INPP5A: variants seen among roughly 807,000 people sequenced by gnomAD.
INPP5A encodes 43 kDa inositol polyphosphate 5-phophatase.
In INPP5A, 14 loss-of-function variants were observed where a neutral mutation model predicts 65.2. The observed-to-expected ratio is 0.21, with a 90% CI of 0.14 to 0.34. The LOEUF (loss-of-function observed/expected upper bound fraction) is 0.34, where lower values mean the gene tolerates loss of function less well. Ranked by LOEUF, INPP5A falls within the 10% of genes least tolerant of loss-of-function variation. INPP5A has a pLI of 1.00. For missense variants in INPP5A, 431 were observed against 545.6 expected (o/e 0.79, Z 2.09); for synonymous variants, 207 against 208.3 (o/e 0.99, Z 0.05).
intron 5 of INPP5A, among the ~76,000 whole-genome samples, chr10:132,696,496 G>A (rs1301635012): frequency 6.6e-6 from 1 of 152,162 alleles, no homozygotes; most frequent in African/African-American, 2.4e-5. Context: ...GTGATAAAAA[G>A]AAATGAGCTT....
chr10:132,690,039 C>T (rs1845231515), intron 4 of INPP5A, among the ~76,000 whole-genome samples: 1 of 152,150 alleles, frequency 6.6e-6, no homozygotes, highest in Non-Finnish European at 1.5e-5. Flanking sequence ...TGGGAAGGGT[C>T]TGGTCCACTC....
chr10:132,769,861 G>A (rs1280817019), intron 12 of INPP5A, among the ~76,000 whole-genome samples: 4 of 151,916 alleles, frequency 2.6e-5, no homozygotes, highest in East Asian at 3.9e-4. Flanking sequence ...AGGTGGCGGC[G>A]ATTTGGACAC....
At chr10:132,638,171 C>G (rs1476974210) in intron 2 of INPP5A, among the ~76,000 whole-genome samples, 2 of 152,158 alleles carry the variant, frequency 1.3e-5, no homozygotes, top group Non-Finnish European at 2.9e-5. Context: ...AGGGCTGCTA[C>G]TTCTCTCTCT....
intron 6 of INPP5A, among the ~76,000 whole-genome samples, chr10:132,700,300 G>C (rs532417103): frequency 2.8e-4 from 42 of 152,354 alleles, no homozygotes; most frequent in Non-Finnish European, 5.0e-4. Context: ...CAGCTGCTCA[G>C]CAGATCCTTG....
intron 3 of INPP5A, among the ~76,000 whole-genome samples, chr10:132,647,880 T>C (rs2072519561): frequency 6.6e-6 from 1 of 152,222 alleles, no homozygotes; most frequent in Non-Finnish European, 1.5e-5. Flanking sequence ...AATTTCAGTC[T>C]AAAATATAGG....
At chr10:132,671,179 C>T (rs2072885181) in intron 4 of INPP5A, among the ~76,000 whole-genome samples, 1 of 152,162 alleles carries the variant, frequency 6.6e-6, no homozygotes, top group African/African-American at 2.4e-5. Flanking sequence ...GTCCCTGTCT[C>T]TCCCTTCTGA....
At position 132,616,221 on chromosome 10, in the gene INPP5A, G is replaced by A. The variant is rs369919500; in HGVS notation, c.117+8265G>A. ...CGGGCCCTGAAAGAACCACAGGGTG[G>A]CGTGGGAGGCAGCTGCAGTGGGAGG... On this transcript the variant is annotated intron_variant, in intron 2 of 15. Transcript: ENST00000368594. The surrounding 1 kb of genome is among the most constrained non-coding windows in gnomAD (Gnocchi z 4.9). Among the ~76,000 whole-genome samples, 10 of 152,346 alleles carry A rather than the reference G, an allele frequency of 6.6e-5. No individual in the cohort carries two copies. In the South Asian group the frequency reaches 1.2e-3, roughly 19 times the overall value.
chr10:132,752,965 GC>G (rs1846523555), intron 11 of INPP5A, among the ~76,000 whole-genome samples: 1 of 152,166 alleles, frequency 6.6e-6, no homozygotes, highest in Non-Finnish European at 1.5e-5. Flanking sequence ...GATTGCGGAG[GC>G]CTGGTGCACT....
intron 1 of INPP5A, among the ~76,000 whole-genome samples, chr10:132,569,591 C>T (rs2071313406): frequency 6.6e-6 from 1 of 152,198 alleles, no homozygotes; most frequent in South Asian, 2.1e-4. Context: ...CTCCTGAGTG[C>T]AAGCGATTCT....
intron 9 of INPP5A, among the ~76,000 whole-genome samples, chr10:132,747,606 G>A (rs992883152): frequency 6.6e-6 from 1 of 152,260 alleles, no homozygotes; most frequent in African/African-American, 2.4e-5. Context: ...CCCTGTCTCC[G>A]AGCCCCGGCC....
chr10:132,608,566 C>T (rs542599827), intron 2 of INPP5A, among the ~76,000 whole-genome samples: 17 of 152,286 alleles, frequency 1.1e-4, no homozygotes, highest in Admixed American at 2.0e-4. Flanking sequence ...GGCCTGTGGC[C>T]GAGCATGTGT....
At chr10:132,598,310 C>T (rs1183967833) in intron 1 of INPP5A, among the ~76,000 whole-genome samples, 9 of 152,196 alleles carry the variant, frequency 5.9e-5, no homozygotes, top group Admixed American at 5.2e-4. Flanking sequence ...GAAATGCATT[C>T]ATAATGTTGC....
chr10:132,699,059 C>T (rs901394310), intron 6 of INPP5A, among the ~76,000 whole-genome samples: 2 of 152,244 alleles, frequency 1.3e-5, no homozygotes, highest in South Asian at 2.1e-4. Flanking sequence ...TGCCTCCCTC[C>T]GCTCCGGATG....
rs146916096 is a variant in INPP5A at position 132,595,073 on chromosome 10, G to A, written c.76-12842G>A. On this transcript the variant is annotated intron_variant, in intron 1 of 15. Transcript: ENST00000368594. ...CAAATACCCACTCCAACCTTTGGGC[G>A]TTTTTTTCTGTCTTTTTCCCTTTTC... 7.2e-5 allele frequency among the ~76,000 whole-genome samples: 11 copies of A among 152,322 alleles called. No homozygotes were observed. The East Asian group carries it at 1.3e-3, about 19-fold the overall frequency.
intron 1 of INPP5A, among the ~76,000 whole-genome samples, chr10:132,602,090 A>G (rs1435863124): frequency 2.0e-5 from 3 of 152,214 alleles, no homozygotes; most frequent in Non-Finnish European, 2.9e-5. Flanking sequence ...CGTTAACTCC[A>G]GTTTGTGAAC....
intron 4 of INPP5A, among the ~76,000 whole-genome samples, chr10:132,669,207 C>T (rs953732655): frequency 8.5e-5 from 13 of 152,110 alleles, no homozygotes; most frequent in African/African-American, 2.4e-4. Context: ...GAGCAGACAT[C>T]GTGCCACCGC....
At chr10:132,595,668 T>G (rs1396419536) in intron 1 of INPP5A, among the ~76,000 whole-genome samples, 1 of 152,232 alleles carries the variant, frequency 6.6e-6, no homozygotes. Flanking sequence ...TTTTATCCAA[T>G]AAATTTGTTT....
At chr10:132,726,734 A>T (rs1033255271) in intron 8 of INPP5A, 87 bp from the exon 9 acceptor site, 9 of 893,238 alleles carry the variant, frequency 1.0e-5, no homozygotes, top group African/African-American at 1.7e-5. Flanking sequence ...GAGTGTGCGG[A>T]TGGGGAGCGT....
intron 1 of INPP5A, among the ~76,000 whole-genome samples, chr10:132,557,451 T>A (rs2071141899): frequency 1.3e-5 from 2 of 152,258 alleles, no homozygotes; most frequent in African/African-American, 4.8e-5. Flanking sequence ...TTTCCCCAAC[T>A]GCTTAATGCC....
Sources: gnomAD v4.1 joint callset for allele counts (sites outside exome capture counted in the v4.1 genomes callset) on GRCh38, gnomAD v4.1.1 for gene constraint, Gnocchi (gnomAD v3.1) non-coding constraint, MANE v1.5 for transcripts, NCBI Gene and HGNC (gene_info 2026-07-23, HGNC 2026-07-21) for gene names.